Variants in SOAT1 observed in about 807,000 individuals in gnomAD.
The protein encoded by SOAT1 is sterol O-acyltransferase 1, also known as acyl-coenzyme A:cholesterol acyltransferase 1.
A neutral mutation model predicts 69.5 loss-of-function variants in SOAT1; 55 were observed. The observed-to-expected ratio is 0.79, with a 90% CI of 0.64 to 0.99. The LOEUF (loss-of-function observed/expected upper bound fraction) is 0.99, where lower values mean the gene tolerates loss of function less well. Among genes scored for constraint, SOAT1 ranks in the 50% least tolerant of loss-of-function variants. The pLI is 0.00. For synonymous variants in SOAT1, 231 were observed against 224.7 expected (o/e 1.03, Z -0.25); for missense variants, 580 against 669.3 (o/e 0.87, Z 1.47).
In SOAT1 at chr1:179,330,726, A is replaced by T. The variant is rs143270536; in HGVS notation, c.178-4780A>T. On this transcript the variant is annotated intron_variant, in intron 3 of 15. Coordinates refer to ENST00000367619, the MANE Select transcript of SOAT1 (RefSeq NM_003101.6). ...GTTTCTCACTGTCGTAGTCTTTGCA[A>T]AGGCAGTTTCACATTCATAGGCTGT... Among the ~76,000 whole-genome samples, 1,146 of 152,372 alleles carry T rather than the reference A, an allele frequency of 7.5e-3. 12 individuals carry two copies. The highest frequency in any genetic ancestry group is 0.012 in the Non-Finnish European group (811 of 68,038).
chr1:179,320,636 T>C (rs1252418507), intron 2 of SOAT1, among the ~76,000 whole-genome samples: 2 of 152,226 alleles, frequency 1.3e-5, no homozygotes, highest in Admixed American at 1.3e-4. Context: ...GGGATGTCTT[T>C]AGACTTATTT....
In SOAT1 at chr1:179,353,584, G is replaced by A; in HGVS notation, c.1597-1G>A. 1 of 1,613,184 alleles carries A rather than the reference G, an allele frequency of 6.2e-7. No individual in the cohort carries two copies. The highest frequency in any genetic ancestry group is 8.5e-7 in the Non-Finnish European group (1 of 1,179,372). Reference sequence around the variant, plus strand: ...TCCATTCTTATTTTTCCCCACTGCAGCCCACATTTTTGGATTATGTCCGGC... The same window carrying A: ...TCCATTCTTATTTTTCCCCACTGCAACCCACATTTTTGGATTATGTCCGGC... On this transcript the variant is annotated splice_acceptor_variant, in intron 15 of 15. Transcript: ENST00000367619. LOFTEE classifies it high-confidence loss of function.
At position 179,318,048 on chromosome 1, in the gene SOAT1, A is replaced by T. The variant is rs528610449; in HGVS notation, c.119-5389A>T. ...TCTACAAAACACTTAAAAAAAAATTAGCTGGGTGTGGTGGCACACATCTAT... is the reference window on the plus strand; with the variant it reads ...TCTACAAAACACTTAAAAAAAAATTTGCTGGGTGTGGTGGCACACATCTAT... On this transcript the variant is annotated intron_variant, in intron 2 of 15. Coordinates refer to ENST00000367619, the MANE Select transcript of SOAT1 (RefSeq NM_003101.6). Among the ~76,000 whole-genome samples the T allele has an allele frequency of 2.0e-5, 3 of 152,032 alleles. No homozygotes were observed. In the East Asian group the frequency reaches 5.8e-4, roughly 29 times the overall value.
intron 13 of SOAT1, among the ~76,000 whole-genome samples, chr1:179,349,326 A>C (rs909744339): frequency 1.3e-4 from 11 of 84,710 alleles, no homozygotes; most frequent in Admixed American, 1.1e-3. Context: ...AGGTAGAGAA[A>C]CACTTTTTTT....
intron 14 of SOAT1, among the ~76,000 whole-genome samples, chr1:179,351,047 T>TCC (rs1558060682): frequency 7.6e-6 from 1 of 131,828 alleles, no homozygotes; most frequent in Non-Finnish European, 1.6e-5. Context: ...TTTTTTTTTT[T>TCC]TTTTTTTTTT....
chr1:179,295,838 G>A (rs1345269527), intron 1 of SOAT1, among the ~76,000 whole-genome samples: 2 of 131,094 alleles, frequency 1.5e-5, no homozygotes, highest in Middle Eastern at 5.7e-3. Context: ...GGAGTTTGGC[G>A]CTTGTTGCCC....
chr1:179,338,207 G>A (rs917495817), intron 5 of SOAT1, among the ~76,000 whole-genome samples: 4 of 151,996 alleles, frequency 2.6e-5, no homozygotes, highest in Admixed American at 1.3e-4. Flanking sequence ...TGGGCAACAC[G>A]GCAAGTCTCT....
intron 6 of SOAT1, 101 bp from the exon 7 acceptor site, chr1:179,340,927 C>G: frequency 9.5e-7 from 1 of 1,057,306 alleles, no homozygotes; most frequent in South Asian, 1.6e-5. Flanking sequence ...GTGGTGTTTC[C>G]TAAGGTTGAA....
At chr1:179,297,400 G>A (rs546100269) in intron 1 of SOAT1, among the ~76,000 whole-genome samples, 42 of 152,126 alleles carry the variant, frequency 2.8e-4, no homozygotes, top group African/African-American at 9.9e-4. Context: ...GCAGTGGCGC[G>A]ATCTCGGCTC....
At chr1:179,317,617 C>G (rs985693299) in intron 2 of SOAT1, among the ~76,000 whole-genome samples, 1 of 147,684 alleles carries the variant, frequency 6.8e-6, no homozygotes, top group African/African-American at 2.5e-5. Context: ...ATTCATCTGC[C>G]AAAGTGATAG....
At chr1:179,351,720 A>ATTTTTTTTTTTTTTTTTT (rs1558061106) in intron 15 of SOAT1, among the ~76,000 whole-genome samples, 2 of 43,486 alleles carry the variant, frequency 4.6e-5, no homozygotes, top group African/African-American at 1.9e-4. Flanking sequence ...AGCCCCTTCT[A>ATTTTTTTTTTTTTTTTTT]ATTTTTTTTT....
chr1:179,353,648 G>A lies in SOAT1; in HGVS notation c.*7G>A. ...TTGTCGTTACGTGTTTTAGAAGCTT[G>A]GACTTTGTTTCCTCCTTGTCACTGA... On this transcript the variant is annotated 3_prime_UTR_variant, in exon 16 of 16. Transcript: ENST00000367619. 4 of 1,612,032 alleles carry A rather than the reference G, an allele frequency of 2.5e-6. No homozygotes were observed. The highest frequency in any genetic ancestry group is 3.4e-6 in the Non-Finnish European group (4 of 1,178,344).
intron 4 of SOAT1, among the ~76,000 whole-genome samples, chr1:179,337,309 C>A (rs562023922): frequency 1.3e-5 from 2 of 152,188 alleles, no homozygotes; most frequent in Non-Finnish European, 2.9e-5. Flanking sequence ...CTTGCAGCAA[C>A]CTTTAAGATC....
In SOAT1 at chr1:179,358,325, T is replaced by C. The variant is rs141130826; in HGVS notation, c.*4684T>C. On this transcript the variant is annotated 3_prime_UTR_variant, in exon 16 of 16. Coordinates refer to ENST00000367619, the MANE Select transcript of SOAT1 (RefSeq NM_003101.6). ...CATTACTACATTCACATTTCTGCTG[T>C]CAATAAGCCCTAATGGAGTGATAAA... The C allele has an allele frequency of 1.3e-5, 2 of 152,342 alleles. No homozygotes were observed. The highest frequency in any genetic ancestry group is 2.9e-5 in the Non-Finnish European group (2 of 68,024). 9.4% of individuals were successfully genotyped at this position (152,342 alleles called of 1,614,324 possible).
At chr1:179,314,683 C>T (rs1309907578) in intron 2 of SOAT1, among the ~76,000 whole-genome samples, 1 of 152,100 alleles carries the variant, frequency 6.6e-6, no homozygotes, top group Admixed American at 6.6e-5. Flanking sequence ...GTCTCAGCCT[C>T]ACAAAGTGCT....
chr1:179,336,470 CAAAAAAAAAAA>C, intron 4 of SOAT1, among the ~76,000 whole-genome samples: 1 of 79,068 alleles, frequency 1.3e-5, no homozygotes, highest in East Asian at 3.5e-4. Flanking sequence ...ACCCTGTCTC[CAAAAAAAAAAA>C]AAAAAAAAAA....
At chr1:179,319,169 T>C (rs773177144) in intron 2 of SOAT1, among the ~76,000 whole-genome samples, 27 of 152,172 alleles carry the variant, frequency 1.8e-4, no homozygotes, top group Non-Finnish European at 3.2e-4. Flanking sequence ...CATTGTACTT[T>C]TGATTTGAAT....
intron 1 of SOAT1, among the ~76,000 whole-genome samples, chr1:179,298,380 G>T (rs540301867): frequency 5.6e-4 from 85 of 152,262 alleles, no homozygotes; most frequent in Non-Finnish European, 1.1e-3. Flanking sequence ...ATTCCACCAT[G>T]CCCGGCCCTG....
chr1:179,321,403 C>G (rs556418117), intron 2 of SOAT1, among the ~76,000 whole-genome samples: 4 of 152,250 alleles, frequency 2.6e-5, no homozygotes, highest in South Asian at 4.1e-4. Context: ...CCCCTAGGCT[C>G]AACTGATCCT....
Sources: allele counts gnomAD v4.1 joint callset (sites outside exome capture counted in the v4.1 genomes callset), GRCh38; gene constraint gnomAD v4.1.1; transcripts MANE v1.5; gene names NCBI Gene and HGNC (gene_info 2026-07-23, HGNC 2026-07-21).